The following CEP68 variants were observed in gnomAD, a reference collection of about 807,000 sequenced individuals.
CEP68 encodes centrosomal protein of 68 kDa.
CEP68 carries 26 observed loss-of-function variants against 55.3 expected under a neutral mutation model. The observed-to-expected ratio is 0.47, with a 90% CI of 0.34 to 0.65. The LOEUF (loss-of-function observed/expected upper bound fraction) is 0.65, where lower values mean the gene tolerates loss of function less well. CEP68 is among the 30% of genes least tolerant of loss of function. The probability of loss-of-function intolerance (pLI) is 0.01; values close to 1 mark genes in which losing one functional copy is unlikely to be tolerated. For missense variants in CEP68, 957 were observed against 946.7 expected (o/e 1.01, Z -0.14); for synonymous variants, 402 against 383.2 (o/e 1.05, Z -0.57).
At position 65,072,803 on chromosome 2, in the gene CEP68, A is replaced by C. The variant is rs944744642; in HGVS notation, c.1707A>C (p.Ala569=). The C allele has an allele frequency of 6.2e-6, 10 of 1,614,068 alleles. No homozygotes were observed. Among genetic ancestry groups the C allele is most frequent in the Non-Finnish European group, 8.5e-6 (10 of 1,180,042 alleles). The change falls in exon 3 of 7, where the codon GCA becomes GCC. Residue 569 remains alanine (A), a synonymous_variant. Transcript: ENST00000377990. ...CCTTCGTCCGTGCCCACGACTCCGC[A>C]GGGGAAGGCAGTCTGGGGAGCAGCC... ...LRSFVRAHDS[A]GEGSLGSSQA...
At chr2:65,075,267 A>C (rs1358481474) in intron 4 of CEP68, 3 of 151,906 alleles carry the variant, frequency 2.0e-5, no homozygotes, top group South Asian at 2.1e-4. Flanking sequence ...AAAAAAAAAA[A>C]AAAACATAAA....
chr2:65,074,927 G>T, intron 4 of CEP68: 1 of 195,370 alleles, frequency 5.1e-6, no homozygotes, highest in East Asian at 1.5e-4. Context: ...TAAAGACTCA[G>T]ATTTTTTTAT....
In CEP68 at chr2:65,072,216, A is replaced by G; in HGVS notation, c.1120A>G (p.Ser374Gly). The change falls in exon 3 of 7, where the codon AGC becomes GGC. Residue 374 changes from serine (S) to glycine (G), a missense_variant. Ser to Gly is a moderately conservative substitution (Grantham distance 56). Coordinates refer to ENST00000377990, the MANE Select transcript of CEP68 (RefSeq NM_015147.3). ...ALPFSGPREP[S>G]LKQWPSRVPQ... ...GCCATTTTCTGGGCCCAGAGAGCCAAGCCTTAAGCAGTGGCCCTCCAGAGT... is the reference window on the plus strand; with the variant it reads ...GCCATTTTCTGGGCCCAGAGAGCCAGGCCTTAAGCAGTGGCCCTCCAGAGT... 5.0e-6 allele frequency: 8 copies of G among 1,614,108 alleles called. No individual in the cohort carries two copies. The South Asian group carries it at 8.8e-5, about 18-fold the overall frequency.
chr2:65,074,039 A>G (rs901459748), intron 3 of CEP68: 1 of 465,724 alleles, frequency 2.1e-6, no homozygotes, highest in Non-Finnish European at 3.9e-6. Flanking sequence ...GGGCTGCTCC[A>G]TTCCTACCTG....
intron 1 of CEP68, among the ~76,000 whole-genome samples, chr2:65,064,896 C>T (rs1676088039): frequency 6.6e-6 from 1 of 152,172 alleles, no homozygotes; most frequent in Non-Finnish European, 1.5e-5. Context: ...TCTTAATGAG[C>T]CACAAGGTGA....
chr2:65,083,440 A>G (rs994431935), intron 6 of CEP68, among the ~76,000 whole-genome samples, 199 bp from the exon 7 acceptor site: 1 of 152,252 alleles, frequency 6.6e-6, no homozygotes, highest in African/African-American at 2.4e-5. Flanking sequence ...TCGCTCCTAC[A>G]ACAAAATGTT....
intron 1 of CEP68, among the ~76,000 whole-genome samples, chr2:65,063,618 C>G (rs1304970855): frequency 6.6e-6 from 1 of 152,210 alleles, no homozygotes; most frequent in Non-Finnish European, 1.5e-5. Flanking sequence ...CCCACCCCTA[C>G]CCCAGAGGGT....
At chr2:65,074,075 A>G in intron 3 of CEP68, 1 of 542,128 alleles carries the variant, frequency 1.8e-6, no homozygotes, top group Non-Finnish European at 3.2e-6. Context: ...TCAGCCTGTC[A>G]TTTTTGATGT....
intron 5 of CEP68, chr2:65,080,645 C>CCA (rs1267939582): frequency 1.6e-6 from 1 of 622,672 alleles, no homozygotes; most frequent in African/African-American, 2.0e-5. Flanking sequence ...TGGCGAAACC[C>CCA]CATCTCTACT....
At chr2:65,082,730 A>G in intron 6 of CEP68, 21 bp downstream of exon 6, 1 of 1,522,434 alleles carries the variant, frequency 6.6e-7, no homozygotes, top group Non-Finnish European at 8.8e-7. Context: ...GAACTCAAAA[A>G]GAAAATTTGC....
intron 4 of CEP68, 164 bp downstream of exon 4, chr2:65,074,568 TTG>T: frequency 7.1e-6 from 7 of 990,790 alleles, no homozygotes; most frequent in Non-Finnish European, 1.1e-5. Context: ...GCGGAACGCT[TTG>T]TAAAATGCAT....
intron 1 of CEP68, among the ~76,000 whole-genome samples, chr2:65,063,196 G>A (rs1366963997): frequency 3.9e-5 from 6 of 152,206 alleles, no homozygotes; most frequent in African/African-American, 1.4e-4. Context: ...TTCAGGTTCT[G>A]GAAACTAACA....
At chr2:65,071,344 T>A in intron 2 of CEP68, 110 bp from the exon 3 acceptor site, 1 of 887,522 alleles carries the variant, frequency 1.1e-6, no homozygotes, top group Non-Finnish European at 1.7e-6. Flanking sequence ...CATTTTAAGG[T>A]CTTTCCTAAA....
intron 5 of CEP68, among the ~76,000 whole-genome samples, chr2:65,079,778 TC>T (rs1211466201): frequency 1.3e-5 from 2 of 152,214 alleles, no homozygotes; most frequent in African/African-American, 4.8e-5. Flanking sequence ...TTCCGCAGCT[TC>T]CCAGTGTCTG....
intron 4 of CEP68, among the ~76,000 whole-genome samples, chr2:65,076,792 G>A (rs905177197): frequency 1.3e-5 from 2 of 152,066 alleles, no homozygotes; most frequent in African/African-American, 4.8e-5. Flanking sequence ...ACCAAGTTCT[G>A]GCTGGGCACG....
chr2:65,066,745 A>AAAAAAATATATATATAT (rs70943620), intron 1 of CEP68, among the ~76,000 whole-genome samples: 4 of 58,398 alleles, frequency 6.8e-5, no homozygotes, highest in Non-Finnish European at 9.2e-5. Context: ...AAAAAAAAAA[A>AAAAAAATATATATATAT]ATATATATAT....
chr2:65,063,081 G>A (rs940282121), intron 1 of CEP68, among the ~76,000 whole-genome samples: 1 of 152,220 alleles, frequency 6.6e-6, no homozygotes, highest in African/African-American at 2.4e-5. Context: ...CAGGCTTAGA[G>A]TTTGTGTTAC....
At chr2:65,066,213 A>G (rs1356199633) in intron 1 of CEP68, among the ~76,000 whole-genome samples, 1 of 152,224 alleles carries the variant, frequency 6.6e-6, no homozygotes, top group East Asian at 1.9e-4. Context: ...ACTGGATATC[A>G]TCCAGGCAGA....
Position 65,084,937 on chromosome 2 carries a change from T to G in CEP68, c.*1303T>G, listed in dbSNP as rs926776166. On this transcript the variant is annotated 3_prime_UTR_variant, in exon 7 of 7. Transcript: ENST00000377990. ...TCTTAGTTCCATACACACTGAGACTTTAAAAGGGAAAAACCACTCTAGCAA... is the reference window on the plus strand; with the variant it reads ...TCTTAGTTCCATACACACTGAGACTGTAAAAGGGAAAAACCACTCTAGCAA... 2.6e-5 allele frequency: 4 copies of G among 152,184 alleles called. No homozygotes were observed. Among genetic ancestry groups the G allele is most frequent in the Non-Finnish European group, 5.9e-5 (4 of 68,026 alleles). The allele number at this position is 152,184 out of a possible 1,614,324, so 9.4% of individuals were successfully genotyped here.
Sources: gnomAD v4.1 joint callset for allele counts (sites outside exome capture counted in the v4.1 genomes callset) on GRCh38, gnomAD v4.1.1 for gene constraint, MANE v1.5 for transcripts, NCBI Gene and HGNC (gene_info 2026-07-23, HGNC 2026-07-21) for gene names.